IFT122: variants seen among roughly 807,000 people sequenced by gnomAD.
IFT122 encodes intraflagellar transport protein 122 homolog.
In IFT122, 118 loss-of-function variants were observed where a neutral mutation model predicts 161.6. The observed-to-expected ratio is 0.73, with a 90% CI of 0.63 to 0.85. The LOEUF (loss-of-function observed/expected upper bound fraction) is 0.85. Ranked by LOEUF, IFT122 falls within the 40% of genes least tolerant of loss-of-function variation. IFT122 has a pLI of 0.00. For synonymous variants in IFT122, 550 were observed against 602.4 expected (o/e 0.91, Z 1.27); for missense variants, 1,381 against 1,579.6 (o/e 0.87, Z 2.13).
At chr3:129,466,829 A>C in intron 7 of IFT122, 61 bp from the exon 8 acceptor site, 1 of 1,536,560 alleles carries the variant, frequency 6.5e-7, no homozygotes, top group Admixed American at 1.7e-5. Context: ...CAGGATTTTA[A>C]ATTATAGTTT....
intron 3 of IFT122, among the ~76,000 whole-genome samples, chr3:129,453,089 A>T (rs1187602257): frequency 6.6e-6 from 1 of 152,178 alleles, no homozygotes. Flanking sequence ...AGTTTTATAC[A>T]TGCTGAATTT....
rs2077080845 is a variant in IFT122, at chr3:129,468,938, T to C, written c.741-404T>C. Among the ~76,000 whole-genome samples, 5 of 152,390 alleles carry C rather than the reference T, an allele frequency of 3.3e-5. No individual in the cohort carries two copies. The South Asian group carries it at 1.0e-3, about 32-fold the overall frequency. On this transcript the variant is annotated intron_variant, in intron 8 of 29. Coordinates refer to ENST00000348417, the MANE Select transcript of IFT122 (RefSeq NM_052989.3). Reference sequence around the variant, plus strand: ...TTTCCCTTCTATTAAAAAATGTCTTTGTGCTGCAAGAGATGTTTCTCTGCC... The same window carrying C: ...TTTCCCTTCTATTAAAAAATGTCTTCGTGCTGCAAGAGATGTTTCTCTGCC...
chr3:129,509,365 G>A lies in IFT122; in HGVS notation c.2886+1603G>A, dbSNP rs190041757. On this transcript the variant is annotated intron_variant, in intron 23 of 29. Transcript: ENST00000348417. ...AGGATCAGCTTCGATGATTGCTCTC[G>A]GTTGTTGTCAACTTCCAGTGGCCGG... Among the ~76,000 whole-genome samples the A allele has an allele frequency of 2.0e-5, 3 of 152,216 alleles. No homozygotes were observed. The East Asian group carries it at 5.8e-4, about 29-fold the overall frequency.
Position 129,483,469 on chromosome 3 carries a change from T to C in IFT122, c.1654-16T>C, listed in dbSNP as rs2078911744. The C allele has an allele frequency of 1.2e-6, 2 of 1,612,606 alleles. No homozygotes were observed. Among genetic ancestry groups the C allele is most frequent in the Admixed American group, 3.3e-5 (2 of 60,006 alleles). ...AGGGTGGTTCTCACAGGATCCCCAC[T>C]GTCCCTGTTCCCCAGGAACCAAACG... is the stretch of plus-strand genomic sequence containing the variant. On this transcript the variant is annotated splice_polypyrimidine_tract_variant and intron_variant, in intron 14 of 29. Transcript: ENST00000348417.
chr3:129,517,323 A>T, intron 26 of IFT122, 146 bp from the exon 27 acceptor site: 1 of 951,302 alleles, frequency 1.1e-6, no homozygotes, highest in African/African-American at 1.6e-5. Context: ...CTGCACACAC[A>T]TACAGAGACT....
At chr3:129,488,124 ATTGGCG>A in intron 15 of IFT122, 127 bp from the exon 16 acceptor site, 2 of 1,479,084 alleles carry the variant, frequency 1.4e-6, no homozygotes, top group East Asian at 4.6e-5. Context: ...CAGGGTGCTG[ATTGGCG>A]GCTGCAGGGC....
At chr3:129,519,457 A>G (rs2084467419) in intron 28 of IFT122, 111 bp from the exon 29 acceptor site, 3 of 1,436,810 alleles carry the variant, frequency 2.1e-6, no homozygotes, top group Admixed American at 1.9e-5. Context: ...ACCTGGGTTT[A>G]GGAAGCAGGT....
intron 16 of IFT122, among the ~76,000 whole-genome samples, chr3:129,489,422 G>A (rs1159265921): frequency 6.6e-6 from 1 of 152,196 alleles, no homozygotes; most frequent in Non-Finnish European, 1.5e-5. Context: ...ATTTAAATCA[G>A]GGATGGTTGT....
Position 129,488,410 on chromosome 3 carries a change from C to T in IFT122, c.1992+13C>T. The T allele has an allele frequency of 6.2e-7, 1 of 1,613,984 alleles. No individual in the cohort carries two copies. The highest frequency in any genetic ancestry group is 8.5e-7 in the Non-Finnish European group (1 of 1,179,962). On this transcript the variant is annotated intron_variant, in intron 16 of 29. Coordinates refer to ENST00000348417, the MANE Select transcript of IFT122 (RefSeq NM_052989.3). ...AACAGCAAAGAAGGTAAGCATCTAG[C>T]CAGCAGGAGCTGGAGTTTGGTCCTT...
At chr3:129,457,088 A>T (rs2075593393) in intron 3 of IFT122, among the ~76,000 whole-genome samples, 1 of 152,218 alleles carries the variant, frequency 6.6e-6, no homozygotes, top group South Asian at 2.1e-4. Context: ...CTTAAGATGT[A>T]CAGAATGTGG....
intron 22 of IFT122, 64 bp from the exon 23 acceptor site, chr3:129,507,594 CCTCCTCCTGG>C (rs1437703729): frequency 8.7e-7 from 1 of 1,144,276 alleles, no homozygotes; most frequent in African/African-American, 1.5e-5. Flanking sequence ...TTGCCTGGCC[CCTCCTCCTGG>C]GGCCAGTTGG....
rs919262082 is a variant in IFT122, at chr3:129,459,095, G to T, written c.272+418G>T. Among the ~76,000 whole-genome samples the T allele has an allele frequency of 1.1e-4, 16 of 152,088 alleles. 1 individual carries two copies. Among genetic ancestry groups the T allele is most frequent in the Non-Finnish European group, 2.9e-5 (2 of 68,014 alleles). ...TTCTTCCCCTGTTCCTCTACTAGTT[G>T]GTCCCTATTTACCCTGCAGATCTCA... On this transcript the variant is annotated intron_variant, in intron 4 of 29. Transcript: ENST00000348417.
chr3:129,504,010 A>C, intron 20 of IFT122: 1 of 387,866 alleles, frequency 2.6e-6, no homozygotes, highest in Non-Finnish European at 4.9e-6. Context: ...ATCTGTTTGC[A>C]GCACTACAGG....
chr3:129,491,641 T>C (rs2080097446), intron 16 of IFT122, among the ~76,000 whole-genome samples: 1 of 152,194 alleles, frequency 6.6e-6, no homozygotes, highest in African/African-American at 2.4e-5. Flanking sequence ...TCCCCTCCTC[T>C]GCTCCCTCTG....
At chr3:129,469,318 C>T (rs2077125788) in intron 8 of IFT122, 24 bp from the exon 9 acceptor site, 3 of 1,602,630 alleles carry the variant, frequency 1.9e-6, no homozygotes, top group East Asian at 4.5e-5. Context: ...CCCTTCATAA[C>T]CTCTTTTATC....
intron 2 of IFT122, 105 bp downstream of exon 2, chr3:129,450,042 AG>A: frequency 5.0e-6 from 4 of 804,212 alleles, no homozygotes; most frequent in Non-Finnish European, 8.7e-6. Flanking sequence ...TAAAAAGGCA[AG>A]GGTGGAAAAA....
chr3:129,477,380 C>T (rs1030007691), intron 11 of IFT122, among the ~76,000 whole-genome samples: 2 of 152,224 alleles, frequency 1.3e-5, no homozygotes, highest in Non-Finnish European at 2.9e-5. Context: ...CCACTTACTT[C>T]AGGTGTATTC....
intron 22 of IFT122, 135 bp from the exon 23 acceptor site, chr3:129,507,533 C>T: frequency 1.3e-6 from 1 of 776,072 alleles, no homozygotes; most frequent in East Asian, 2.5e-5. Context: ...TTGTCCCTCA[C>T]CCTGGCACAG....
chr3:129,491,666 C>T (rs1004469851), intron 16 of IFT122, among the ~76,000 whole-genome samples: 7 of 152,200 alleles, frequency 4.6e-5, no homozygotes, highest in African/African-American at 1.7e-4. Flanking sequence ...ACCAGGGGCT[C>T]TGGGTCCCCT....
Sources: gnomAD v4.1 joint callset for allele counts (sites outside exome capture counted in the v4.1 genomes callset) on GRCh38, gnomAD v4.1.1 for gene constraint, MANE v1.5 for transcripts, NCBI Gene and HGNC (gene_info 2026-07-23, HGNC 2026-07-21) for gene names.